The following ANAPC10 variants were observed in gnomAD, a reference collection of about 807,000 sequenced individuals.
ANAPC10 encodes anaphase-promoting complex subunit 10.
ANAPC10 carries 12 observed loss-of-function variants against 22.0 expected under a neutral mutation model. The observed-to-expected ratio is 0.55, with a 90% CI of 0.35 to 0.88. ANAPC10 has a LOEUF of 0.88. Ranked by LOEUF, ANAPC10 falls within the 40% of genes least tolerant of loss-of-function variation. The pLI, the probability that ANAPC10 is intolerant of heterozygous loss-of-function variation, is 0.01. For synonymous variants in ANAPC10, 65 were observed against 69.5 expected (o/e 0.94, Z 0.32); for missense variants, 188 against 220.9 (o/e 0.85, Z 0.94).
At chr4:145,063,472 C>T (rs202235812) in intron 4 of ANAPC10, among the ~76,000 whole-genome samples, 1 of 152,058 alleles carries the variant, frequency 6.6e-6, no homozygotes, top group Non-Finnish European at 1.5e-5. Flanking sequence ...TCAGATTAAA[C>T]ATAAATTTAG....
intron 4 of ANAPC10, among the ~76,000 whole-genome samples, chr4:145,016,909 G>A (rs1735256179): frequency 6.6e-6 from 1 of 152,166 alleles, no homozygotes; most frequent in Non-Finnish European, 1.5e-5. Context: ...GGGAAAACTG[G>A]CTAGCCATAT....
At chr4:145,060,055 A>G (rs148019526) in intron 4 of ANAPC10, among the ~76,000 whole-genome samples, 2 of 152,204 alleles carry the variant, frequency 1.3e-5, no homozygotes, top group Admixed American at 1.3e-4. Flanking sequence ...GACAGTGTAG[A>G]CTCAGAAATG....
At chr4:145,026,363 T>C (rs1736656486) in intron 4 of ANAPC10, among the ~76,000 whole-genome samples, 1 of 152,018 alleles carries the variant, frequency 6.6e-6, no homozygotes, top group Non-Finnish European at 1.5e-5. Flanking sequence ...GATGTTCTAG[T>C]AATAAACGTA....
At chr4:145,044,984 T>A (rs925882630) in intron 4 of ANAPC10, among the ~76,000 whole-genome samples, 3 of 152,016 alleles carry the variant, frequency 2.0e-5, no homozygotes, top group Admixed American at 6.6e-5. Flanking sequence ...AGTTTTTTTT[T>A]AAAACAATAA....
intron 1 of ANAPC10, chr4:145,097,698 G>A: frequency 4.8e-6 from 2 of 416,130 alleles, no homozygotes; most frequent in Non-Finnish European, 9.3e-6. Flanking sequence ...CTGCAAGTTA[G>A]GTGAGATCTA....
intron 4 of ANAPC10, among the ~76,000 whole-genome samples, chr4:145,018,558 A>T (rs982573402): frequency 6.6e-6 from 1 of 152,102 alleles, no homozygotes; most frequent in Non-Finnish European, 1.5e-5. Flanking sequence ...GAATTGCTTT[A>T]ACCTGAGAGG....
intron 4 of ANAPC10, among the ~76,000 whole-genome samples, chr4:145,001,239 T>C (rs1048956041): frequency 2.3e-5 from 1 of 43,056 alleles, no homozygotes; most frequent in Non-Finnish European, 4.5e-5. Flanking sequence ...AAGGAGGGAG[T>C]GAGGGAGGGA....
chr4:145,097,761 C>A, intron 1 of ANAPC10: 1 of 344,028 alleles, frequency 2.9e-6, no homozygotes, highest in Middle Eastern at 1.1e-3. Flanking sequence ...GTCCTGTTAC[C>A]TAAAAAAAGA....
chr4:144,996,988 G>A (rs1466684137), intron 4 of ANAPC10, among the ~76,000 whole-genome samples: 1 of 152,156 alleles, frequency 6.6e-6, no homozygotes, highest in Non-Finnish European at 1.5e-5. Context: ...AAGGGTAACA[G>A]TGATGGAAGA....
At chr4:145,081,410 A>G (rs1170746346) in intron 3 of ANAPC10, 1 of 276,586 alleles carries the variant, frequency 3.6e-6, no homozygotes, top group African/African-American at 2.2e-5. Flanking sequence ...TATATTGAAA[A>G]GTATATTTGA....
At chr4:145,070,695 C>T (rs1446435858) in intron 3 of ANAPC10, among the ~76,000 whole-genome samples, 1 of 152,154 alleles carries the variant, frequency 6.6e-6, no homozygotes, top group Non-Finnish European at 1.5e-5. Context: ...ATTTGCACAC[C>T]AATGTTCATA....
intron 3 of ANAPC10, among the ~76,000 whole-genome samples, chr4:145,068,195 T>A (rs1030572766): frequency 6.6e-6 from 1 of 152,186 alleles, no homozygotes; most frequent in South Asian, 2.1e-4. Context: ...AACACCATTA[T>A]CAAAAGCTCT....
intron 3 of ANAPC10, among the ~76,000 whole-genome samples, chr4:145,065,784 G>A (rs1300587155): frequency 1.1e-4 from 17 of 151,634 alleles, no homozygotes; most frequent in Admixed American, 1.1e-3. Context: ...CACATTTGGG[G>A]GAAAACAACA....
intron 4 of ANAPC10, among the ~76,000 whole-genome samples, chr4:145,060,123 CATCTT>C (rs1480589136): frequency 1.3e-5 from 2 of 152,010 alleles, no homozygotes; most frequent in Non-Finnish European, 2.9e-5. Context: ...AAATTGCAAA[CATCTT>C]ATAAAGTGTT....
At chr4:145,001,235 GGAGT>G (rs1186054292) in intron 4 of ANAPC10, among the ~76,000 whole-genome samples, 144 of 127,892 alleles carry the variant, frequency 1.1e-3, no homozygotes, top group Middle Eastern at 3.9e-3. Flanking sequence ...AGGGAAGGAG[GGAGT>G]GAGGGAGGGA....
intron 3 of ANAPC10, among the ~76,000 whole-genome samples, chr4:145,080,721 A>T (rs34196072): frequency 1.3e-5 from 2 of 151,796 alleles, no homozygotes; most frequent in Non-Finnish European, 2.9e-5. Flanking sequence ...CAGCCTGACC[A>T]ACATGGAGAA....
intron 4 of ANAPC10, among the ~76,000 whole-genome samples, chr4:145,013,539 G>T (rs889853400): frequency 6.6e-6 from 1 of 152,090 alleles, no homozygotes; most frequent in Non-Finnish European, 1.5e-5. Context: ...ATAAAAAACA[G>T]CATCTTTTCA....
At chr4:145,054,968 C>T (rs1295412902) in intron 4 of ANAPC10, among the ~76,000 whole-genome samples, 1 of 152,190 alleles carries the variant, frequency 6.6e-6, no homozygotes. Context: ...TTCCATATCA[C>T]TATCTCTCAG....
intron 4 of ANAPC10, among the ~76,000 whole-genome samples, chr4:145,010,312 C>G (rs1322544236): frequency 4.6e-5 from 7 of 152,132 alleles, no homozygotes; most frequent in Non-Finnish European, 1.0e-4. Context: ...ACCCAGCCAT[C>G]CCATTACTGG....
Sources: allele counts gnomAD v4.1 joint callset (sites outside exome capture counted in the v4.1 genomes callset), GRCh38; gene constraint gnomAD v4.1.1; transcripts MANE v1.5; gene names NCBI Gene and HGNC (gene_info 2026-07-23, HGNC 2026-07-21).